AKAP14: variants seen among roughly 807,000 people sequenced by gnomAD.
AKAP14 encodes A-kinase anchoring protein 14.
Under a neutral mutation model 17.0 loss-of-function variants are expected in AKAP14, and 4 were observed. The ratio of observed to expected loss-of-function variants is 0.23; its 90% confidence interval spans 0.12 to 0.54. The LOEUF (loss-of-function observed/expected upper bound fraction) is 0.54. Among genes scored for constraint, AKAP14 ranks in the 20% least tolerant of loss-of-function variants. The pLI is 0.95. For synonymous variants in AKAP14, 42 were observed against 51.3 expected, an observed-to-expected ratio of 0.82 and a Z score of 0.77; for missense variants, 129 against 150.9, an observed-to-expected ratio of 0.85 and a Z score of 0.76.
chrX:119,905,084 T>C (rs2056590014), intron 4 of AKAP14, among the ~76,000 whole-genome samples: 1 of 110,163 alleles, frequency 9.1e-6, no homozygotes, highest in Non-Finnish European at 1.9e-5. Context: ...CTTCTCATTG[T>C]GCTTCTGTGG....
chrX:119,918,262 C>G (rs756438345), intron 5 of AKAP14, among the ~76,000 whole-genome samples: 1 of 111,121 alleles, frequency 9.0e-6, no homozygotes, highest in African/African-American at 3.3e-5. Context: ...GATGGAGTCT[C>G]GTTCTGTCTT....
chrX:119,920,584 C>T lies in AKAP14; in HGVS notation c.571C>T (p.Pro191Ser). 1.7e-6 allele frequency: 2 copies of T among 1,204,172 alleles called. No individual in the cohort carries two copies. Among genetic ancestry groups the T allele is most frequent in the Non-Finnish European group, 2.2e-6 (2 of 890,084 alleles). ...DAKYSFMESF[P>S]FLFNRV The stretch of plus-strand genomic sequence containing the variant: ...CAAATATAGTTTCATGGAGTCATTC[C>T]CCTTCTTATTCAATCGTGTCTGATA... The change falls in exon 7 of 7, where the codon CCC becomes TCC. Residue 191 changes from proline to serine, a missense_variant. By Grantham distance (74) the Pro-to-Ser change is moderately conservative. Coordinates refer to ENST00000371431, the MANE Select transcript of AKAP14 (RefSeq NM_178813.6).
intron 4 of AKAP14, among the ~76,000 whole-genome samples, chrX:119,913,795 CA>C (rs2147836655): frequency 9.1e-6 from 1 of 110,064 alleles, no homozygotes; most frequent in South Asian, 3.9e-4. Flanking sequence ...ATCAATCAAT[CA>C]ATCAATCAAT....
chrX:119,912,530 G>A (rs924124760), intron 4 of AKAP14, among the ~76,000 whole-genome samples: 2 of 100,790 alleles, frequency 2.0e-5, no homozygotes, highest in Non-Finnish European at 4.1e-5. Context: ...CTGAATGAAT[G>A]CTACTTTTTT....
chrX:119,915,081 T>C (rs1412120035), intron 5 of AKAP14, among the ~76,000 whole-genome samples: 1 of 111,918 alleles, frequency 8.9e-6, no homozygotes, highest in African/African-American at 3.2e-5. Flanking sequence ...CAACATACTT[T>C]CCTGATTTTC....
At chrX:119,898,970 C>T (rs2056547691) in intron 2 of AKAP14, among the ~76,000 whole-genome samples, 1 of 107,439 alleles carries the variant, frequency 9.3e-6, no homozygotes, top group Admixed American at 1.0e-4. Flanking sequence ...AGTTCAAGAC[C>T]AGCCTGGCCA....
intron 4 of AKAP14, among the ~76,000 whole-genome samples, chrX:119,908,349 C>T (rs1348504090): frequency 2.8e-5 from 3 of 108,599 alleles, no homozygotes; most frequent in Non-Finnish European, 5.7e-5. Flanking sequence ...AACACTTACA[C>T]ATTGCCAATG....
intron 5 of AKAP14, among the ~76,000 whole-genome samples, chrX:119,917,693 T>C (rs2056667443): frequency 9.0e-6 from 1 of 111,672 alleles, no homozygotes; most frequent in South Asian, 3.7e-4. Flanking sequence ...GGCAGGAGAA[T>C]GGCTTGAACC....
At chrX:119,910,064 G>A (rs2147834146) in intron 4 of AKAP14, among the ~76,000 whole-genome samples, 1 of 110,415 alleles carries the variant, frequency 9.1e-6, no homozygotes, top group South Asian at 3.9e-4. Context: ...TTGGGAGGCT[G>A]AGGCGGGAGG....
chrX:119,908,486 A>C (rs968717380), intron 4 of AKAP14, among the ~76,000 whole-genome samples: 3 of 111,700 alleles, frequency 2.7e-5, no homozygotes, highest in Non-Finnish European at 3.8e-5. Context: ...TATAATAAAA[A>C]AAAGACATCA....
chrX:119,910,301 AT>A (rs1368514895), intron 4 of AKAP14, among the ~76,000 whole-genome samples: 2 of 111,507 alleles, frequency 1.8e-5, no homozygotes, highest in African/African-American at 3.2e-5. Flanking sequence ...GCCAGCCTAC[AT>A]TTTTTTTAAA....
chrX:119,896,805 C>CTTTTCTT (rs2056529838), intron 2 of AKAP14, among the ~76,000 whole-genome samples: 3 of 70,770 alleles, frequency 4.2e-5, no homozygotes, highest in African/African-American at 1.7e-4. Flanking sequence ...CTTTTCTTTT[C>CTTTTCTT]TTTTTTTCTT....
intron 5 of AKAP14, among the ~76,000 whole-genome samples, chrX:119,915,213 A>AG (rs2056650722): frequency 2.7e-5 from 3 of 111,459 alleles, no homozygotes; most frequent in African/African-American, 9.8e-5. Flanking sequence ...TCTAATACTC[A>AG]GTTCTGTGGT....
chrX:119,916,703 G>A (rs1432029691), intron 5 of AKAP14, among the ~76,000 whole-genome samples: 2 of 83,165 alleles, frequency 2.4e-5, no homozygotes, highest in African/African-American at 9.0e-5. Flanking sequence ...GTCTTGCTAT[G>A]TTGCACAGGC....
chrX:119,902,682 G>T, intron 2 of AKAP14, among the ~76,000 whole-genome samples: 1 of 110,747 alleles, frequency 9.0e-6, no homozygotes, highest in South Asian at 3.8e-4. Context: ...TCATTATGGT[G>T]TTTTTTTTGT....
At chrX:119,918,553 C>A (rs1227061779) in intron 5 of AKAP14, among the ~76,000 whole-genome samples, 3 of 112,463 alleles carry the variant, frequency 2.7e-5, no homozygotes, top group African/African-American at 9.7e-5. Flanking sequence ...TTATTATTGT[C>A]TATTCCCTCC....
intron 4 of AKAP14, among the ~76,000 whole-genome samples, chrX:119,913,147 T>TAAATAAATAAATAAATAAATA (rs1556400076): frequency 9.5e-6 from 1 of 105,287 alleles, no homozygotes; most frequent in African/African-American, 3.5e-5. Flanking sequence ...AATAAATAAA[T>TAAATAAATAAATAAATAAATA]AAATAAAATA....
At chrX:119,896,401 A>AT (rs1358793641) in intron 2 of AKAP14, 134 bp downstream of exon 2, 1 of 87,947 alleles carries the variant, frequency 1.1e-5, no homozygotes, top group Non-Finnish European at 2.2e-5. Flanking sequence ...GGCCTCTGAG[A>AT]AGGGGAGGGG....
chrX:119,907,612 C>G (rs1193570400), intron 4 of AKAP14, among the ~76,000 whole-genome samples: 3 of 109,835 alleles, frequency 2.7e-5, no homozygotes, highest in Non-Finnish European at 3.8e-5. Context: ...TACACAGCAC[C>G]ATGGCCGAGT....
Sources: allele counts gnomAD v4.1 joint callset (sites outside exome capture counted in the v4.1 genomes callset), GRCh38; gene constraint gnomAD v4.1.1; transcripts MANE v1.5; gene names NCBI Gene and HGNC (gene_info 2026-07-23, HGNC 2026-07-21).